Variants in ADGRD2 observed in about 807,000 individuals in gnomAD.
ADGRD2 encodes the protein G protein-coupled receptor PGR24.
Under a neutral mutation model 44.4 loss-of-function variants are expected in ADGRD2, and 71 were observed. That is an observed-to-expected ratio of 1.60 (90% CI 1.32 to 1.95). The LOEUF (loss-of-function observed/expected upper bound fraction) is 1.95. Ranked by LOEUF, ADGRD2 falls within the 30% of genes most tolerant of loss-of-function variation. The pLI, the probability that ADGRD2 is intolerant of heterozygous loss-of-function variation, is 0.00. For missense variants in ADGRD2, 1,039 were observed against 512.4 expected, an observed-to-expected ratio of 2.03 and a Z score of -9.92; for synonymous variants, 481 against 224.8, an observed-to-expected ratio of 2.14 and a Z score of -10.19.
intron 8 of ADGRD2, 144 bp downstream of exon 11, chr9:124,457,750 C>CT: frequency 1.8e-6 from 1 of 554,960 alleles, no homozygotes. Flanking sequence ...TGCCTTGTGG[C>CT]TTATGAGGTT....
chr9:124,469,926 T>C (rs548111107), intron 16 of ADGRD2, among the ~76,000 whole-genome samples: 9 of 151,574 alleles, frequency 5.9e-5, no homozygotes, highest in African/African-American at 1.7e-4. Flanking sequence ...CAGGGTTAGC[T>C]CCAGAAGTTC....
chr9:124,453,097 CG>C lies in ADGRD2; in HGVS notation c.346del (p.Ser117AlafsTer9), dbSNP rs1831526564. The C allele has an allele frequency of 2.9e-6, 2 of 696,296 alleles. No individual in the cohort carries two copies. Among genetic ancestry groups the C allele is most frequent in the Non-Finnish European group, 5.2e-6 (2 of 382,278 alleles). 43.1% of individuals were successfully genotyped at this position (696,296 alleles called of 1,614,324 possible). On this transcript the variant is annotated frameshift_variant, in exon 3 of 22. Transcript: ENST00000334810. LOFTEE classifies it high-confidence loss of function. ...GACGGCTGACCGGGCGGCGCGGCTG[CG>C]GAGCCCTCTGCCTGAGCTGGCAGCG...
At chr9:124,467,922 G>C (rs1392455388) in intron 12 of ADGRD2, 98 bp downstream of exon 15, 6 of 704,242 alleles carry the variant, frequency 8.5e-6, no homozygotes, top group Non-Finnish European at 1.6e-5. Context: ...CTTGGTCCCA[G>C]CAGAACCTTG....
rs764507214 is a variant in ADGRD2, at chr9:124,452,500, T to C, written c.69-10T>C. On this transcript the variant is annotated splice_polypyrimidine_tract_variant and intron_variant, in intron 1 of 21. Transcript: ENST00000334810. ...AATGCACCCCCCACCGTCTCTCTTA[T>C]CGTTTTTAGCCCCCGTGGCCGCCGG... 1.4e-6 allele frequency: 1 copy of C among 718,486 alleles called. No individual in the cohort carries two copies. Among genetic ancestry groups the C allele is most frequent in the South Asian group, 1.5e-5 (1 of 67,600 alleles). The allele number at this position is 718,486 out of a possible 1,614,324, so 44.5% of individuals were successfully genotyped here.
chr9:124,451,237 G>A (rs1453092644), upstream of ADGRD2: 1 of 471,158 alleles, frequency 2.1e-6, no homozygotes, highest in Non-Finnish European at 4.4e-6. Flanking sequence ...TGATGAAGCA[G>A]AACCTTGGCG....
chr9:124,462,363 C>T (rs1342136326), intron 10 of ADGRD2, among the ~76,000 whole-genome samples: 1 of 152,174 alleles, frequency 6.6e-6, no homozygotes, highest in Non-Finnish European at 1.5e-5. Context: ...GCTACCACAC[C>T]CAGCCTTGTT....
rs920125049 is a variant in ADGRD2 at position 124,469,419 on chromosome 9, C to T, written c.2522-13C>T. The T allele has an allele frequency of 1.4e-6, 1 of 718,168 alleles. No individual in the cohort carries two copies. The highest frequency in any genetic ancestry group is 1.5e-5 in the South Asian group (1 of 67,606). The allele number at this position is 718,168 out of a possible 1,614,324, so 44.5% of individuals were successfully genotyped here. A position where few individuals can be genotyped will look rare whatever the true frequency, so the allele number is the denominator to read the frequency against. ...TGGGGAAGTCCTCTTGCCCACTGAC[C>T]CCAGGTCTCCAGGCCAACACCTGCA... On this transcript the variant is annotated splice_polypyrimidine_tract_variant and intron_variant, in intron 15 of 21. Coordinates refer to ENST00000334810, the Ensembl canonical transcript of ADGRD2.
In ADGRD2 at chr9:124,454,165, G is replaced by C; in HGVS notation, c.1022+68G>C. 2 of 612,024 alleles carry C rather than the reference G, an allele frequency of 3.3e-6. No homozygotes were observed. Among genetic ancestry groups the C allele is most frequent in the South Asian group, 1.9e-5 (1 of 51,510 alleles). The allele number at this position is 612,024 out of a possible 1,614,324, so 37.9% of individuals were successfully genotyped here. A position where few individuals can be genotyped will look rare whatever the true frequency, so the allele number is the denominator to read the frequency against. ...CGGTGTGGACCGGAGTAGACTGAGA[G>C]GGGGTGAGCTGCTGGCAAAGTCTGG... On this transcript the variant is annotated intron_variant, in intron 4 of 21. Coordinates refer to ENST00000334810, the Ensembl canonical transcript of ADGRD2. This position sits in a 1 kb window ranked among gnomAD's most constrained non-coding sequence, Gnocchi z 4.5.
intron 9 of ADGRD2, 66 bp from the exon 13 acceptor site, chr9:124,458,550 A>G (rs7863866): frequency 0.072 from 50,215 of 696,860 alleles, 7,362 homozygotes; most frequent in African/African-American, 0.39. Flanking sequence ...GGCCTGGGTG[A>G]CATGCCGCAG....
exon 15 of ADGRD2, chr9:124,469,343 C>G (rs1232215936): frequency 5.6e-6 from 4 of 718,292 alleles, no homozygotes; most frequent in Non-Finnish European, 1.0e-5. Flanking sequence ...GGCCTGTGCT[C>G]TTCGTGCTGA....
chr9:124,461,010 G>T (rs1306306949), intron 10 of ADGRD2, among the ~76,000 whole-genome samples: 2 of 152,082 alleles, frequency 1.3e-5, no homozygotes, highest in Non-Finnish European at 2.9e-5. Context: ...GTCATGTATT[G>T]CTATCTCATT....
At chr9:124,451,032 C>T (rs1224998241), upstream of ADGRD2, 1 of 470,982 alleles carries the variant, frequency 2.1e-6, no homozygotes, top group African/African-American at 2.0e-5. Flanking sequence ...TGTGGCACAC[C>T]CACCAGCCGG....
At chr9:124,460,110 A>C (rs1012012854) in intron 10 of ADGRD2, among the ~76,000 whole-genome samples, 4 of 148,154 alleles carry the variant, frequency 2.7e-5, no homozygotes, top group East Asian at 2.0e-4. Context: ...ACACACACAC[A>C]CCAACCACAG....
chr9:124,452,017 C>CCCCCAAA, upstream of ADGRD2: 1 of 563,666 alleles, frequency 1.8e-6, no homozygotes, highest in South Asian at 1.7e-5. Flanking sequence ...CACCCACCCC[C>CCCCCAAA]AGAGTAGGCA....
intron 10 of ADGRD2, among the ~76,000 whole-genome samples, chr9:124,459,658 A>C (rs907150710): frequency 3.9e-5 from 6 of 152,210 alleles, no homozygotes; most frequent in African/African-American, 1.4e-4. Context: ...AAGACAGTAT[A>C]ACAGCTATTT....
In ADGRD2 at chr9:124,476,514, G is replaced by A. The variant is rs1393536519; in HGVS notation, c.2904+99G>A. The A allele has an allele frequency of 1.1e-5, 7 of 648,262 alleles. No individual in the cohort carries two copies. In the Admixed American group the frequency reaches 1.7e-4, roughly 16 times the overall value. 40.2% of individuals were successfully genotyped at this position (648,262 alleles called of 1,614,324 possible). On this transcript the variant is annotated intron_variant, in intron 20 of 21. Coordinates refer to ENST00000334810, the Ensembl canonical transcript of ADGRD2. ...GCCACAGGGCCTGGGTAGGGCCGGG[G>A]TGGGGGCTTCCCGGGGATCTGTTTC...
chr9:124,475,492 G>A lies in ADGRD2; in HGVS notation c.2800+5G>A, dbSNP rs951832007. 1.4e-5 allele frequency: 10 copies of A among 714,930 alleles called. No homozygotes were observed. Among genetic ancestry groups the A allele is most frequent in the Non-Finnish European group, 5.2e-6 (2 of 383,244 alleles). 44.3% of individuals were successfully genotyped at this position (714,930 alleles called of 1,614,324 possible). ...TATGCTGCCTGCAATGAGGAGGTGA[G>A]TCTGGGGGTGCCGGCTGCAGGGAGA... On this transcript the variant is annotated splice_donor_5th_base_variant and intron_variant, in intron 18 of 21. Transcript: ENST00000334810.
chr9:124,469,528 C>T lies in ADGRD2; in HGVS notation c.2620C>T (p.Gln874Ter), dbSNP rs1004557579. ...GAGCCCACAGCCCTGCCTGCAGCAG[C>T]AGATCTGGACCCAGATATGGTGAGG... The change falls in exon 16 of 22, where the codon CAG (glutamine) becomes TAG (stop). Residue 874 changes from glutamine to a stop codon, truncating the protein, a stop_gained. Coordinates refer to ENST00000334810, the Ensembl canonical transcript of ADGRD2. LOFTEE classifies it high-confidence loss of function. 2.8e-6 allele frequency: 2 copies of T among 718,004 alleles called. No individual in the cohort carries two copies. The highest frequency in any genetic ancestry group is 3.5e-5 in the African/African-American group (2 of 57,284). The allele number at this position is 718,004 out of a possible 1,614,324, so 44.5% of individuals were successfully genotyped here.
intron 6 of ADGRD2, among the ~76,000 whole-genome samples, chr9:124,456,148 C>T (rs907138308): frequency 2.0e-4 from 30 of 152,218 alleles, no homozygotes; most frequent in African/African-American, 7.0e-4. Context: ...GGGATGATCA[C>T]GCCAGCCTTG....
Sources: gnomAD v4.1 joint callset for allele counts (sites outside exome capture counted in the v4.1 genomes callset) on GRCh38, gnomAD v4.1.1 for gene constraint, Gnocchi (gnomAD v3.1) non-coding constraint, MANE v1.5 for transcripts, NCBI Gene and HGNC (gene_info 2026-07-23, HGNC 2026-07-21) for gene names.